The following MTCL3 variants were observed in gnomAD, a reference collection of about 807,000 sequenced individuals.
MTCL3 encodes the protein microtubule cross-linking factor 3.
At chr6:127,502,137 G>A in the MTCL3 span, among the ~76,000 whole-genome samples, 11 of 152,162 alleles carry the variant, frequency 7.2e-5, no homozygotes, top group Non-Finnish European at 1.5e-4. Flanking sequence ...GTGTGTGTAA[G>A]TGAATTAAAT....
the MTCL3 span, among the ~76,000 whole-genome samples, chr6:127,507,004 T>G: frequency 2.0e-5 from 3 of 152,350 alleles, no homozygotes; most frequent in East Asian, 5.8e-4. Flanking sequence ...CTCACAGAGC[T>G]GAGTCACTCA....
the MTCL3 span, chr6:127,475,946 C>T: frequency 6.2e-7 from 1 of 1,612,462 alleles, no homozygotes; most frequent in Non-Finnish European, 8.5e-7. This position sits in a 1 kb window ranked among gnomAD's most constrained non-coding sequence, Gnocchi z 7.3. Context: ...TTGGCGTTGT[C>T]GTGGTGCCGC....
the MTCL3 span, among the ~76,000 whole-genome samples, chr6:127,497,042 TA>T: frequency 6.6e-6 from 1 of 152,174 alleles, no homozygotes; most frequent in African/African-American, 2.4e-5. Context: ...GAATTAACAA[TA>T]AATGGGCATG....
the MTCL3 span, among the ~76,000 whole-genome samples, chr6:127,481,966 C>T: frequency 7.2e-5 from 11 of 152,212 alleles, no homozygotes; most frequent in African/African-American, 2.7e-4. Flanking sequence ...TTCACTGCTA[C>T]AATCCCACCA....
chr6:127,490,835 A>G, the MTCL3 span, among the ~76,000 whole-genome samples: 1 of 152,104 alleles, frequency 6.6e-6, no homozygotes, highest in African/African-American at 2.4e-5. Flanking sequence ...AAACAAACAA[A>G]CAAAAACACA....
chr6:127,474,856 T>A, the MTCL3 span, among the ~76,000 whole-genome samples: 3 of 152,162 alleles, frequency 2.0e-5, no homozygotes, highest in Admixed American at 6.5e-5. Context: ...TCATTTTTTT[T>A]AAATCCTAAA....
the MTCL3 span, among the ~76,000 whole-genome samples, chr6:127,494,373 GAA>G: frequency 4.6e-5 from 7 of 150,680 alleles, no homozygotes; most frequent in East Asian, 1.4e-3. Context: ...TCAGAAAGAA[GAA>G]AAAAAAATAG....
At chr6:127,501,969 A>T in the MTCL3 span, among the ~76,000 whole-genome samples, 1 of 152,332 alleles carries the variant, frequency 6.6e-6, no homozygotes, top group Non-Finnish European at 1.5e-5. Context: ...ATTGCACATT[A>T]TATTTACTCA....
the MTCL3 span, chr6:127,476,448 C>T: frequency 6.2e-7 from 1 of 1,600,552 alleles, no homozygotes. This position sits in a 1 kb window ranked among gnomAD's most constrained non-coding sequence, Gnocchi z 4.4. Flanking sequence ...GCAGCTGGCA[C>T]TTCAGATCTT....
At chr6:127,489,893 T>C in the MTCL3 span, among the ~76,000 whole-genome samples, 2 of 152,214 alleles carry the variant, frequency 1.3e-5, no homozygotes, top group African/African-American at 2.4e-5. Flanking sequence ...GGTAAGATGA[T>C]TGGTGAAGGT....
the MTCL3 span, among the ~76,000 whole-genome samples, chr6:127,476,763 G>A: frequency 6.6e-6 from 1 of 152,178 alleles, no homozygotes; most frequent in Non-Finnish European, 1.5e-5. This position sits in a 1 kb window ranked among gnomAD's most constrained non-coding sequence, Gnocchi z 4.4. Context: ...CAACTGTTTG[G>A]TGATCATTTC....
chr6:127,507,859 A>AAAAAAAAAAG, the MTCL3 span, among the ~76,000 whole-genome samples: 1 of 136,040 alleles, frequency 7.4e-6, no homozygotes, highest in Admixed American at 7.3e-5. Context: ...AAAAAAAAAA[A>AAAAAAAAAAG]AAAAAAAAAA....
the MTCL3 span, chr6:127,515,670 C>A: frequency 2.7e-6 from 4 of 1,492,386 alleles, no homozygotes; most frequent in Non-Finnish European, 8.9e-7. This position sits in a 1 kb window ranked among gnomAD's most constrained non-coding sequence, Gnocchi z 4.3. Flanking sequence ...GGGGGCCCTC[C>A]GCCGCCGCCG....
the MTCL3 span, among the ~76,000 whole-genome samples, chr6:127,508,732 A>G: frequency 6.6e-6 from 1 of 152,192 alleles, no homozygotes; most frequent in Non-Finnish European, 1.5e-5. Flanking sequence ...TTCTTTGCTC[A>G]AATGTCTCTT....
the MTCL3 span, among the ~76,000 whole-genome samples, chr6:127,486,686 TG>T: frequency 6.6e-6 from 1 of 152,206 alleles, no homozygotes; most frequent in Non-Finnish European, 1.5e-5. Flanking sequence ...AGCCTCAGCT[TG>T]TCCAAAAGAG....
At chr6:127,491,088 T>G in the MTCL3 span, among the ~76,000 whole-genome samples, 4 of 152,260 alleles carry the variant, frequency 2.6e-5, no homozygotes. Flanking sequence ...AGGAAGTGAT[T>G]TCTTGAAATG....
the MTCL3 span, chr6:127,512,997 T>C: frequency 6.2e-7 from 1 of 1,611,980 alleles, no homozygotes; most frequent in Non-Finnish European, 8.5e-7. Flanking sequence ...TGTTCTCTTT[T>C]CTTCCACATT....
At chr6:127,506,468 C>T in the MTCL3 span, among the ~76,000 whole-genome samples, 1,212 of 152,312 alleles carry the variant, frequency 8.0e-3, 13 homozygotes, top group Middle Eastern at 0.041. Context: ...TAACAATGTA[C>T]ATCCCTTGGA....
the MTCL3 span, among the ~76,000 whole-genome samples, chr6:127,499,375 G>C: frequency 6.6e-6 from 1 of 152,056 alleles, no homozygotes; most frequent in African/African-American, 2.4e-5. Flanking sequence ...AACTGACATC[G>C]CAGAAAATTG....
Sources: gnomAD v4.1 joint callset for allele counts (sites outside exome capture counted in the v4.1 genomes callset) on GRCh38, gnomAD v4.1.1 for gene constraint, Gnocchi (gnomAD v3.1) non-coding constraint, MANE v1.5 for transcripts, NCBI Gene and HGNC (gene_info 2026-07-23, HGNC 2026-07-21) for gene names.